The following MFAP1 variants were observed in gnomAD, a reference collection of about 807,000 sequenced individuals.
MFAP1 encodes microfibril associated protein 1.
MFAP1 carries 18 observed loss-of-function variants against 62.2 expected under a neutral mutation model. That is an observed-to-expected ratio of 0.29 (90% CI 0.20 to 0.43). MFAP1 has a LOEUF of 0.43. MFAP1 is among the 20% of genes least tolerant of loss of function. The pLI, the probability that MFAP1 is intolerant of heterozygous loss-of-function variation, is 1.00. For missense variants in MFAP1, 355 were observed against 559.7 expected (o/e 0.63, Z 3.69); for synonymous variants, 175 against 180.4 (o/e 0.97, Z 0.24).
chr15:43,805,696 T>A (rs2087359841), intron 7 of MFAP1, among the ~76,000 whole-genome samples: 1 of 151,974 alleles, frequency 6.6e-6, no homozygotes. Context: ...CACTGCAACC[T>A]CCGTCTCCCA....
intron 1 of MFAP1, among the ~76,000 whole-genome samples, 153 bp from the exon 2 acceptor site, chr15:43,817,601 T>C (rs1648418654): frequency 6.6e-6 from 1 of 152,166 alleles, no homozygotes; most frequent in South Asian, 2.1e-4. Flanking sequence ...ACTCTTCTAA[T>C]GGTGTTTTCC....
In MFAP1 at chr15:43,824,575, T is replaced by C. The variant is rs772955432; in HGVS notation, c.-6A>G. The C allele has an allele frequency of 3.7e-6, 6 of 1,614,174 alleles. No homozygotes were observed. In the South Asian group the frequency reaches 5.5e-5, roughly 15 times the overall value. On this transcript the variant is annotated 5_prime_UTR_variant, in exon 1 of 9. Coordinates refer to ENST00000267812, the MANE Select transcript of MFAP1 (RefSeq NM_005926.3). ...AGAGCGCTTGGGACCGACATGTTGA[T>C]GGCAGCGACGGTGATTCCCGAAACT...
In MFAP1 at chr15:43,824,680, G is replaced by A. The variant is rs1290816515; in HGVS notation, c.-111C>T. 2 of 1,066,722 alleles carry A rather than the reference G, an allele frequency of 1.9e-6. No homozygotes were observed. The highest frequency in any genetic ancestry group is 2.9e-6 in the Non-Finnish European group (2 of 701,046). The allele number at this position is 1,066,722 out of a possible 1,614,324, so 66.1% of individuals were successfully genotyped here. The stretch of plus-strand genomic sequence containing the variant: ...TCCACCTGAGTCCGCGAACACAGCT[G>A]CGCGACTGATAGAGAAACTACTTAC... On this transcript the variant is annotated 5_prime_UTR_variant, in exon 1 of 9. Coordinates refer to ENST00000267812, the MANE Select transcript of MFAP1 (RefSeq NM_005926.3).
intron 6 of MFAP1, among the ~76,000 whole-genome samples, chr15:43,810,338 T>C (rs1567176014): frequency 6.6e-6 from 1 of 151,914 alleles, no homozygotes; most frequent in East Asian, 1.9e-4. Flanking sequence ...AAGATTACCA[T>C]CATTAATTAG....
chr15:43,805,892 G>A (rs1429534417), intron 7 of MFAP1, among the ~76,000 whole-genome samples: 1 of 151,802 alleles, frequency 6.6e-6, no homozygotes, highest in Non-Finnish European at 1.5e-5. Context: ...GATTACAGGT[G>A]TGAACCACTG....
At chr15:43,815,112 T>A in intron 2 of MFAP1, 38 bp from the exon 3 acceptor site, 2 of 1,611,662 alleles carry the variant, frequency 1.2e-6, no homozygotes, top group Non-Finnish European at 1.7e-6. Context: ...ACCAATGTCA[T>A]AAAAATGAAG....
At chr15:43,806,043 G>C (rs2087363262) in intron 7 of MFAP1, among the ~76,000 whole-genome samples, 2 of 145,930 alleles carry the variant, frequency 1.4e-5, no homozygotes, top group Admixed American at 1.4e-4. Context: ...CTGAAGCCTT[G>C]ACCTCCCAGG....
intron 4 of MFAP1, 62 bp from the exon 5 acceptor site, chr15:43,813,419 AG>A (rs2087415416): frequency 6.7e-7 from 1 of 1,485,864 alleles, no homozygotes; most frequent in Non-Finnish European, 9.1e-7. Flanking sequence ...TTGTTCCCCT[AG>A]ACCTAGTCCC....
In MFAP1 at chr15:43,813,244, A is replaced by G. The variant is rs768608251; in HGVS notation, c.726+5T>C. On this transcript the variant is annotated splice_donor_5th_base_variant and intron_variant, in intron 5 of 8. Transcript: ENST00000267812. ...TACTCATTCCTTGCAACCACTCCCC[A>G]GTACCTTGAGTGTGTACTTGCGCCT... The G allele has an allele frequency of 3.8e-5, 61 of 1,613,900 alleles. No homozygotes were observed. The East Asian group carries it at 4.2e-4, about 11-fold the overall frequency.
At position 43,813,249 on chromosome 15, in the gene MFAP1, C is replaced by T; in HGVS notation, c.726G>A (p.Lys242=). ...ATTCCTTGCAACCACTCCCCAGTAC[C>T]TTGAGTGTGTACTTGCGCCTTTCCT... ...MAEERRKYTL[K]IVEEETKKEL... The change falls in exon 5 of 9, where the codon AAG becomes AAA. Residue 242 remains lysine, a splice_region_variant and synonymous_variant. Transcript: ENST00000267812. 1 of 1,614,032 alleles carries T rather than the reference C, an allele frequency of 6.2e-7. No individual in the cohort carries two copies. Among genetic ancestry groups the T allele is most frequent in the Non-Finnish European group, 8.5e-7 (1 of 1,180,006 alleles).
At chr15:43,815,161 T>A in intron 2 of MFAP1, 87 bp from the exon 3 acceptor site, 1 of 1,554,046 alleles carries the variant, frequency 6.4e-7, no homozygotes, top group Non-Finnish European at 8.7e-7. Flanking sequence ...GAGCACATTA[T>A]GTTTGCCTTC....
intron 7 of MFAP1, among the ~76,000 whole-genome samples, chr15:43,807,425 T>C (rs909361945): frequency 6.6e-6 from 1 of 151,216 alleles, no homozygotes; most frequent in Non-Finnish European, 1.5e-5. Flanking sequence ...CTCGGCTCAC[T>C]GCAAGTTCCG....
At position 43,809,782 on chromosome 15, in the gene MFAP1, C is replaced by T. The variant is rs141067681; in HGVS notation, c.1020G>A (p.Lys340=). The part of the protein sequence containing the change: ...AVKGKYKFLQ[K]YYHRGAFFMD... ...TGAAGAAGGCACCCCGGTGATAATA[C>T]TTCTGTAAGAACTTGTATTTGCCCT... The change falls in exon 7 of 9, where the codon AAG becomes AAA. Residue 340 remains lysine, a synonymous_variant. Coordinates refer to ENST00000267812, the MANE Select transcript of MFAP1 (RefSeq NM_005926.3). The T allele has an allele frequency of 4.0e-4, 647 of 1,613,976 alleles. No homozygotes were observed. Among genetic ancestry groups the T allele is most frequent in the Non-Finnish European group, 5.1e-4 (597 of 1,179,976 alleles).
intron 7 of MFAP1, among the ~76,000 whole-genome samples, chr15:43,806,039 C>A (rs141736268): frequency 2.0e-5 from 3 of 151,222 alleles, no homozygotes; most frequent in Non-Finnish European, 4.4e-5. Flanking sequence ...CTCACTGAAG[C>A]CTTGACCTCC....
At chr15:43,811,062 C>T (rs528316151) in intron 6 of MFAP1, among the ~76,000 whole-genome samples, 26 of 148,766 alleles carry the variant, frequency 1.7e-4, no homozygotes, top group African/African-American at 6.1e-4. Context: ...GCCTTGTGTA[C>T]AATTTTAAAG....
chr15:43,805,609 T>C (rs939261235), intron 7 of MFAP1, 144 bp from the exon 8 acceptor site: 2 of 644,294 alleles, frequency 3.1e-6, no homozygotes, highest in East Asian at 3.0e-5. Flanking sequence ...GTTGAAGAGA[T>C]GACATTCTTT....
At position 43,813,147 on chromosome 15, in the gene MFAP1, T is replaced by C. The variant is rs1415524264; in HGVS notation, c.727A>G (p.Ile243Val). ...TCTTTTTTGGTTTCCTCTTCGACAA[T>C]CTGGATAGGGAGAACAATTCAGCTT... ...AEERRKYTLK[I>V]VEEETKKELE... The change falls in exon 6 of 9, where the codon ATT becomes GTT. Residue 243 changes from isoleucine (I) to valine (V), a missense_variant and splice_region_variant. Physicochemically the swap from Ile to Val is conservative, Grantham distance 29. Around this residue, in one of 6 missense-constraint regions of MFAP1, gnomAD observed 257 missense variants for 341.3 expected, o/e 0.75. Coordinates refer to ENST00000267812, the MANE Select transcript of MFAP1 (RefSeq NM_005926.3). The C allele has an allele frequency of 1.9e-6, 3 of 1,614,132 alleles. No individual in the cohort carries two copies. The highest frequency in any genetic ancestry group is 2.2e-5 in the East Asian group (1 of 44,882).
chr15:43,818,791 G>A (rs1263007078), intron 1 of MFAP1, among the ~76,000 whole-genome samples: 2 of 152,148 alleles, frequency 1.3e-5, no homozygotes. Context: ...GGGAGGCTGA[G>A]GTGGGAGAAT....
At chr15:43,809,337 CAAAAA>C (rs1170635608) in intron 7 of MFAP1, among the ~76,000 whole-genome samples, 3 of 109,614 alleles carry the variant, frequency 2.7e-5, no homozygotes, top group East Asian at 5.2e-4. Context: ...AAAAAATAAC[CAAAAA>C]AAAAAAAAAA....
Sources: allele counts gnomAD v4.1 joint callset (sites outside exome capture counted in the v4.1 genomes callset), GRCh38; gene constraint gnomAD v4.1.1; regional missense constraint gnomAD v4.1.1; transcripts MANE v1.5; gene names NCBI Gene and HGNC (gene_info 2026-07-23, HGNC 2026-07-21).